CNKSR3: variants seen among roughly 807,000 people sequenced by gnomAD.
CNKSR3 encodes CNKSR family member 3.
In CNKSR3, 36 loss-of-function variants were observed where a neutral mutation model predicts 67.7. The ratio of observed to expected loss-of-function variants is 0.53; its 90% confidence interval spans 0.41 to 0.70. The LOEUF (loss-of-function observed/expected upper bound fraction) is 0.70. Among genes scored for constraint, CNKSR3 ranks in the 30% least tolerant of loss-of-function variants. The probability of loss-of-function intolerance (pLI) is 0.00; values close to 1 mark genes in which losing one functional copy is unlikely to be tolerated. For missense variants in CNKSR3, 630 were observed against 695.2 expected (o/e 0.91, Z 1.05); for synonymous variants, 281 against 271.4 (o/e 1.04, Z -0.35).
intron 4 of CNKSR3, 47 bp downstream of exon 4, chr6:154,441,242 CAAA>C (rs34887626): frequency 0.14 from 117,879 of 821,770 alleles, 465 homozygotes; most frequent in East Asian, 0.22. Flanking sequence ...AGAGGAAAAG[CAAA>C]AAAAAAAAAA....
At chr6:154,468,080 C>CTTTTTTTTT (rs71021055) in intron 1 of CNKSR3, among the ~76,000 whole-genome samples, 4 of 107,494 alleles carry the variant, frequency 3.7e-5, no homozygotes, top group Non-Finnish European at 5.1e-5. Flanking sequence ...TCTTTTTTTT[C>CTTTTTTTTT]TTTTTTTTTT....
At chr6:154,442,333 C>A in intron 2 of CNKSR3, 43 bp from the exon 3 acceptor site, 2 of 1,554,160 alleles carry the variant, frequency 1.3e-6, no homozygotes, top group African/African-American at 1.4e-5. Flanking sequence ...AAACAATGCA[C>A]AATATTCGAC....
At chr6:154,508,501 G>A (rs1278181448) in intron 1 of CNKSR3, among the ~76,000 whole-genome samples, 2 of 152,168 alleles carry the variant, frequency 1.3e-5, no homozygotes, top group Non-Finnish European at 2.9e-5. Flanking sequence ...TTGGCTCTAT[G>A]AGGGACATAC....
intron 12 of CNKSR3, among the ~76,000 whole-genome samples, chr6:154,406,958 G>GA (rs5881085): frequency 0.66 from 93,446 of 142,134 alleles, 30,640 homozygotes; most frequent in East Asian, 0.89. Context: ...TCCCCTCCAG[G>GA]AAAAAAAAAA....
rs1784752989 is a variant in CNKSR3 at position 154,404,586 on chromosome 6, C to G, written c.*1768G>C. On this transcript the variant is annotated 3_prime_UTR_variant, in exon 13 of 13. Transcript: ENST00000607772. ...GTGGCTCATGCCTGTAATCCCAGCA[C>G]TTTGGGAGGCTGAGGCCGGCAGATC... is the stretch of plus-strand genomic sequence containing the variant. The G allele has an allele frequency of 6.6e-6, 1 of 152,082 alleles. No homozygotes were observed. Among genetic ancestry groups the G allele is most frequent in the South Asian group, 2.1e-4 (1 of 4,788 alleles). 9.4% of individuals were successfully genotyped at this position (152,082 alleles called of 1,614,324 possible). A position where few individuals can be genotyped will look rare whatever the true frequency, so the allele number is the denominator to read the frequency against.
chr6:154,419,394 T>G (rs756774309), intron 9 of CNKSR3, among the ~76,000 whole-genome samples: 1 of 151,946 alleles, frequency 6.6e-6, no homozygotes, highest in African/African-American at 2.4e-5. Context: ...AACAGAGATA[T>G]GAAAAAATGT....
intron 1 of CNKSR3, among the ~76,000 whole-genome samples, chr6:154,490,542 T>C (rs1053912625): frequency 2.0e-5 from 3 of 152,238 alleles, no homozygotes; most frequent in Admixed American, 6.5e-5. Flanking sequence ...ACACAATACA[T>C]AGATACAAAT....
chr6:154,458,178 C>T (rs1016134362), intron 1 of CNKSR3, among the ~76,000 whole-genome samples: 4 of 152,184 alleles, frequency 2.6e-5, no homozygotes, highest in Non-Finnish European at 4.4e-5. Context: ...CCCAGGTTTA[C>T]AGGCCCTTGG....
At chr6:154,500,270 C>T (rs1786970605) in intron 1 of CNKSR3, among the ~76,000 whole-genome samples, 1 of 150,272 alleles carries the variant, frequency 6.7e-6, no homozygotes, top group African/African-American at 2.5e-5. Context: ...CACACACACA[C>T]ACACACACAC....
Position 154,510,196 on chromosome 6 carries a change from G to A in CNKSR3, c.-82C>T. The A allele has an allele frequency of 6.5e-7, 1 of 1,548,782 alleles. No individual in the cohort carries two copies. The highest frequency in any genetic ancestry group is 8.9e-7 in the Non-Finnish European group (1 of 1,125,164). On this transcript the variant is annotated 5_prime_UTR_variant, in exon 1 of 13. Coordinates refer to ENST00000607772, the MANE Select transcript of CNKSR3 (RefSeq NM_173515.4). Reference sequence around the variant, plus strand: ...TGCGCTCCGGTGCCCCTTCCCGGGAGGGCGCGCCCGCGGCTGCTCCCCTGC... The same window carrying A: ...TGCGCTCCGGTGCCCCTTCCCGGGAAGGCGCGCCCGCGGCTGCTCCCCTGC...
At chr6:154,505,070 T>G (rs991942627) in intron 1 of CNKSR3, among the ~76,000 whole-genome samples, 2 of 151,136 alleles carry the variant, frequency 1.3e-5, no homozygotes, top group Non-Finnish European at 1.5e-5. Context: ...CAAAAAGGCC[T>G]CCCTTTCCCA....
At chr6:154,486,695 T>A (rs1444243367) in intron 1 of CNKSR3, among the ~76,000 whole-genome samples, 1 of 151,740 alleles carries the variant, frequency 6.6e-6, no homozygotes, top group Non-Finnish European at 1.5e-5. Context: ...GGTTTCACTA[T>A]GTTGGCCAGA....
At chr6:154,406,828 G>A (rs1375246729) in intron 12 of CNKSR3, among the ~76,000 whole-genome samples, 176 bp from the exon 13 acceptor site, 2 of 152,026 alleles carry the variant, frequency 1.3e-5, no homozygotes, top group Admixed American at 6.6e-5. Flanking sequence ...ATTAGCTGGC[G>A]TGGTGGCGGG....
chr6:154,468,433 C>CACA (rs1554236177), intron 1 of CNKSR3, among the ~76,000 whole-genome samples: 7 of 145,408 alleles, frequency 4.8e-5, no homozygotes, highest in Admixed American at 6.9e-5. Flanking sequence ...CACACACACA[C>CACA]CATGACCATC....
At chr6:154,418,858 T>C (rs1162142197) in intron 9 of CNKSR3, among the ~76,000 whole-genome samples, 1 of 151,766 alleles carries the variant, frequency 6.6e-6, no homozygotes, top group East Asian at 1.9e-4. Flanking sequence ...AAGGAAATAA[T>C]TGACAAGGCA....
intron 1 of CNKSR3, among the ~76,000 whole-genome samples, chr6:154,462,106 C>T (rs997297896): frequency 3.9e-5 from 6 of 152,190 alleles, no homozygotes; most frequent in African/African-American, 1.2e-4. Flanking sequence ...CCATACAATT[C>T]GCCTATTTAA....
At chr6:154,494,797 C>T (rs934078567) in intron 1 of CNKSR3, among the ~76,000 whole-genome samples, 8 of 152,118 alleles carry the variant, frequency 5.3e-5, no homozygotes, top group Non-Finnish European at 1.0e-4. Context: ...CTTGGCAACC[C>T]TAAGGAGGCA....
intron 10 of CNKSR3, among the ~76,000 whole-genome samples, chr6:154,411,502 C>T (rs1784910231): frequency 1.3e-5 from 2 of 151,932 alleles, no homozygotes; most frequent in Non-Finnish European, 2.9e-5. Flanking sequence ...CAAAAATTAG[C>T]CAGGTGTGGT....
intron 1 of CNKSR3, among the ~76,000 whole-genome samples, chr6:154,505,732 C>A (rs995863489): frequency 6.7e-6 from 1 of 148,674 alleles, no homozygotes; most frequent in African/African-American, 2.4e-5. Flanking sequence ...GATCTCCTGA[C>A]CTTGTGATCC....
Sources: allele counts gnomAD v4.1 joint callset (sites outside exome capture counted in the v4.1 genomes callset), GRCh38; gene constraint gnomAD v4.1.1; transcripts MANE v1.5; gene names NCBI Gene and HGNC (gene_info 2026-07-23, HGNC 2026-07-21).